The following CCM2L variants were observed in gnomAD, a reference collection of about 807,000 sequenced individuals.
CCM2L encodes the protein cerebral cavernous malformations 2 protein-like.
In CCM2L, 36 loss-of-function variants were observed where a neutral mutation model predicts 54.1. The ratio of observed to expected loss-of-function variants is 0.67; its 90% CI spans 0.51 to 0.88. CCM2L has a LOEUF of 0.88. CCM2L is among the 40% of genes least tolerant of loss of function. The probability of loss-of-function intolerance (pLI) is 0.00; values close to 1 mark genes in which losing one functional copy is unlikely to be tolerated. For missense variants in CCM2L, 700 were observed against 812.1 expected, an observed-to-expected ratio of 0.86 and a Z score of 1.68; for synonymous variants, 351 against 359.3, an observed-to-expected ratio of 0.98 and a Z score of 0.26.
chr20:32,017,852 AC>A lies in CCM2L; in HGVS notation c.252del (p.Asp84GlufsTer7). On this transcript the variant is annotated frameshift_variant, in exon 3 of 10. Coordinates refer to ENST00000452892, the MANE Select transcript of CCM2L (RefSeq NM_001365692.1). LOFTEE classifies it high-confidence loss of function. ...VTSSLNPSSR[D>X]ELLQLLDTAR... The stretch of plus-strand genomic sequence containing the variant: ...TCCTCACTGAACCCCTCCAGTCGGG[AC>A]GAGCTCCTGCAGCTGCTAGACACCG... 1 of 1,613,916 alleles carries A rather than the reference AC, an allele frequency of 6.2e-7. No homozygotes were observed. The highest frequency in any genetic ancestry group is 8.5e-7 in the Non-Finnish European group (1 of 1,180,000).
chr20:32,029,676 T>C, intron 8 of CCM2L, 24 bp from the exon 9 acceptor site: 1 of 1,581,862 alleles, frequency 6.3e-7, no homozygotes, highest in Middle Eastern at 1.7e-4. Context: ...CTGGGATTGA[T>C]CTCGAATGGT....
At chr20:32,012,550 C>A (rs2064703574) in intron 1 of CCM2L, among the ~76,000 whole-genome samples, 1 of 152,108 alleles carries the variant, frequency 6.6e-6, no homozygotes, top group African/African-American at 2.4e-5. Context: ...TTGAGAACCA[C>A]CGGTTTAGAT....
intron 8 of CCM2L, 25 bp downstream of exon 8, chr20:32,029,149 T>C (rs1231813947): frequency 9.9e-6 from 16 of 1,613,946 alleles, no homozygotes; most frequent in Non-Finnish European, 1.2e-5. Flanking sequence ...GTGGTGGGAA[T>C]GGCACAAGCA....
chr20:32,019,663 A>G (rs2064784897), intron 5 of CCM2L, among the ~76,000 whole-genome samples: 1 of 152,146 alleles, frequency 6.6e-6, no homozygotes, highest in Non-Finnish European at 1.5e-5. Context: ...TCCTTCTCCA[A>G]CGTTGTCAGT....
rs545553537 is a variant in CCM2L, at chr20:32,014,979, C to T, written c.106C>T (p.Arg36Cys). ...RRAACRSSVS[R>C]RPLHSMPLYP... is the part of the protein sequence containing the mutation. ...GGCAGCCTGTAGGAGCAGCGTGAGC[C>T]GCCGGCCCCTGCACTCGATGCCCCT... Residue 36 changes from arginine (R) to cysteine (C), a missense_variant, in exon 2 of 10, where the codon CGC becomes TGC. Physicochemically the swap from Arg to Cys is radical, Grantham distance 180. Transcript: ENST00000452892. 1.5e-5 allele frequency: 24 copies of T among 1,591,792 alleles called. No homozygotes were observed. Among genetic ancestry groups the T allele is most frequent in the Admixed American group, 1.8e-5 (1 of 56,338 alleles).
At chr20:32,025,012 GT>G (rs2064840686) in intron 6 of CCM2L, among the ~76,000 whole-genome samples, 1 of 152,030 alleles carries the variant, frequency 6.6e-6, no homozygotes, top group African/African-American at 2.4e-5. Context: ...TGCTCTGAAG[GT>G]TTTCAGATCC....
chr20:32,028,683 A>C, intron 7 of CCM2L: 2 of 348,238 alleles, frequency 5.7e-6, no homozygotes, highest in Non-Finnish European at 1.1e-5. Flanking sequence ...AGATCACGGG[A>C]TGAGTAAGAG....
At position 32,031,171 on chromosome 20, in the gene CCM2L, C is replaced by A; in HGVS notation, c.1573C>A (p.Pro525Thr). Residue 525 changes from proline (P) to threonine (T), a missense_variant, in exon 10 of 10, where the codon CCC becomes ACC. Pro to Thr is a conservative substitution (Grantham distance 38). Coordinates refer to ENST00000452892, the MANE Select transcript of CCM2L (RefSeq NM_001365692.1). ...CAGCTACGATGGCGCGGCGCAGCGG[C>A]CCGAGGCACAGGCCTTCCACCGGCT... Reference protein sequence around the residue: ...VRSYDGAAQRPEAQAFHRLLA... With the variant: ...VRSYDGAAQRTEAQAFHRLLA... 1 of 1,302,368 alleles carries A rather than the reference C, an allele frequency of 7.7e-7. No individual in the cohort carries two copies. Among genetic ancestry groups the A allele is most frequent in the Non-Finnish European group, 1.0e-6 (1 of 988,470 alleles). The allele number at this position is 1,302,368 out of a possible 1,614,324, so 80.7% of individuals were successfully genotyped here.
chr20:32,020,019 C>CATTCACCCTTGCTTTT (rs1313824194), intron 5 of CCM2L, among the ~76,000 whole-genome samples: 1 of 152,208 alleles, frequency 6.6e-6, no homozygotes. Context: ...CCATCCTCTT[C>CATTCACCCTTGCTTTT]ATTCACCCTT....
rs1441154579 is a variant in CCM2L, at chr20:32,031,351, C to T, written c.*37C>T. The stretch of plus-strand genomic sequence containing the variant: ...GCGGACGGCGTGGCTCAGCAGCCCA[C>T]CTCTGAGTCTCAGCTTTGCTTCGGG... On this transcript the variant is annotated 3_prime_UTR_variant, in exon 10 of 10. Coordinates refer to ENST00000452892, the MANE Select transcript of CCM2L (RefSeq NM_001365692.1). 4 of 1,237,976 alleles carry T rather than the reference C, an allele frequency of 3.2e-6. No homozygotes were observed. The highest frequency in any genetic ancestry group is 4.1e-6 in the Non-Finnish European group (4 of 965,512). 76.7% of individuals were successfully genotyped at this position (1,237,976 alleles called of 1,614,324 possible).
chr20:32,023,477 G>C (rs35418478), intron 6 of CCM2L, among the ~76,000 whole-genome samples: 36,054 of 152,184 alleles, frequency 0.24, 5,601 homozygotes, highest in African/African-American at 0.43. Context: ...CCAGATGGGT[G>C]CTTGGATGCA....
intron 4 of CCM2L, 67 bp from the exon 5 acceptor site, chr20:32,018,876 C>T (rs921856492): frequency 2.2e-5 from 27 of 1,239,874 alleles, no homozygotes; most frequent in African/African-American, 1.7e-4. Flanking sequence ...GGCCAGCCGG[C>T]CTCGGCGGGG....
intron 1 of CCM2L, among the ~76,000 whole-genome samples, chr20:32,012,410 G>T (rs919704941): frequency 6.6e-6 from 1 of 152,142 alleles, no homozygotes; most frequent in African/African-American, 2.4e-5. Context: ...ATATATATTA[G>T]CTAGGTGTGG....
chr20:32,018,166 C>A lies in CCM2L; in HGVS notation c.466+4C>A. 1 of 1,284,444 alleles carries A rather than the reference C, an allele frequency of 7.8e-7. No homozygotes were observed. Among genetic ancestry groups the A allele is most frequent in the Non-Finnish European group, 1.0e-6 (1 of 995,104 alleles). The allele number at this position is 1,284,444 out of a possible 1,614,324, so 79.6% of individuals were successfully genotyped here. ...CACCTGCTAGTGCTCAAGACCGGTGCGGCGGGAGGGGGCGGGGGCGGGGGA... is the reference window on the plus strand; with the variant it reads ...CACCTGCTAGTGCTCAAGACCGGTGAGGCGGGAGGGGGCGGGGGCGGGGGA... On this transcript the variant is annotated splice_donor_region_variant and intron_variant, in intron 4 of 9. Coordinates refer to ENST00000452892, the MANE Select transcript of CCM2L (RefSeq NM_001365692.1).
At chr20:32,023,990 C>T (rs1224774677) in intron 6 of CCM2L, among the ~76,000 whole-genome samples, 1 of 152,194 alleles carries the variant, frequency 6.6e-6, no homozygotes, top group Non-Finnish European at 1.5e-5. Context: ...GCCTCAGCCT[C>T]CCAAAGTGCT....
chr20:32,024,567 C>T lies in CCM2L; in HGVS notation c.1070-1289C>T, dbSNP rs560761172. Among the ~76,000 whole-genome samples the T allele has an allele frequency of 3.3e-5, 5 of 152,260 alleles. No individual in the cohort carries two copies. The East Asian group carries it at 9.6e-4, about 29-fold the overall frequency. ...ACAGGTTGGGCACAGTGGCTCACAC[C>T]TGTAATCCCAGCACTTTGGGAGGCC... On this transcript the variant is annotated intron_variant, in intron 6 of 9. Transcript: ENST00000452892.
Position 32,014,901 on chromosome 20 carries a change from C to T in CCM2L, c.31-3C>T, listed in dbSNP as rs780485262. ...TCACTCTCATTCCTCCTCTCCTCCC[C>T]AGGGCTTTGTATCCCCCATCCGAAG... On this transcript the variant is annotated splice_polypyrimidine_tract_variant and splice_region_variant and intron_variant, in intron 1 of 9. Coordinates refer to ENST00000452892, the MANE Select transcript of CCM2L (RefSeq NM_001365692.1). 2.5e-6 allele frequency: 4 copies of T among 1,596,996 alleles called. No individual in the cohort carries two copies. Among genetic ancestry groups the T allele is most frequent in the South Asian group, 1.1e-5 (1 of 89,900 alleles).
chr20:32,022,241 C>A (rs1406707944), intron 5 of CCM2L, among the ~76,000 whole-genome samples: 1 of 152,150 alleles, frequency 6.6e-6, no homozygotes, highest in Non-Finnish European at 1.5e-5. Flanking sequence ...GTATTAGTAA[C>A]TATATTGAGC....
At chr20:32,019,703 G>A (rs2064785218) in intron 5 of CCM2L, among the ~76,000 whole-genome samples, 1 of 152,142 alleles carries the variant, frequency 6.6e-6, no homozygotes, top group South Asian at 2.1e-4. Flanking sequence ...CATTCACGAG[G>A]ACACTAATCA....
Sources: gnomAD v4.1 joint callset for allele counts (sites outside exome capture counted in the v4.1 genomes callset) on GRCh38, gnomAD v4.1.1 for gene constraint, MANE v1.5 for transcripts, NCBI Gene and HGNC (gene_info 2026-07-23, HGNC 2026-07-21) for gene names.